ARID1B: variants seen among roughly 807,000 people sequenced by gnomAD.
ARID1B encodes AT-rich interaction domain 1B.
In ARID1B, 30 loss-of-function variants were observed where a neutral mutation model predicts 212.3. The observed-to-expected ratio is 0.14, with a 90% CI of 0.11 to 0.19. The LOEUF (loss-of-function observed/expected upper bound fraction) is 0.19, where lower values mean the gene tolerates loss of function less well. Among genes scored for constraint, ARID1B ranks in the 10% least tolerant of loss-of-function variants. The pLI, the probability that ARID1B is intolerant of heterozygous loss-of-function variation, is 1.00. For synonymous variants in ARID1B, 1,402 were observed against 1,301.7 expected (o/e 1.08, Z -1.66); for missense variants, 2,891 against 3,204.0 (o/e 0.90, Z 2.36).
chr6:157,053,570 C>T (rs916929874), intron 4 of ARID1B, among the ~76,000 whole-genome samples: 4 of 152,140 alleles, frequency 2.6e-5, no homozygotes, highest in African/African-American at 9.7e-5. Context: ...TTATTCAATC[C>T]TGCAACTTTA....
At chr6:157,015,796 G>T (rs1779888856) in intron 4 of ARID1B, among the ~76,000 whole-genome samples, 1 of 152,146 alleles carries the variant, frequency 6.6e-6, no homozygotes, top group Admixed American at 6.5e-5. Flanking sequence ...TAAAATTGTA[G>T]ATGTTCTCCT....
chr6:157,001,197 G>A (rs1194193278), intron 4 of ARID1B, among the ~76,000 whole-genome samples: 2 of 152,180 alleles, frequency 1.3e-5, no homozygotes, highest in African/African-American at 4.8e-5. Flanking sequence ...AGCACATGCT[G>A]TATTCTAGGT....
At chr6:157,111,254 G>C (rs1283618234) in intron 6 of ARID1B, 2 of 152,348 alleles carry the variant, frequency 1.3e-5, no homozygotes, top group African/African-American at 4.8e-5. Flanking sequence ...TTTCTTAACT[G>C]CCTTGCAGAG....
chr6:157,006,401 T>C (rs1779253022), intron 4 of ARID1B, among the ~76,000 whole-genome samples: 1 of 152,218 alleles, frequency 6.6e-6, no homozygotes, highest in Non-Finnish European at 1.5e-5. Flanking sequence ...AGAGAAATTA[T>C]ATTCAAAGAA....
At chr6:157,162,059 G>C (rs773335878) in intron 8 of ARID1B, among the ~76,000 whole-genome samples, 3 of 152,136 alleles carry the variant, frequency 2.0e-5, no homozygotes, top group Non-Finnish European at 4.4e-5. Flanking sequence ...CATTTCTTCT[G>C]TCTGTCCCTA....
At chr6:157,077,737 A>G (rs927542411) in intron 4 of ARID1B, among the ~76,000 whole-genome samples, 1 of 152,118 alleles carries the variant, frequency 6.6e-6, no homozygotes, top group Non-Finnish European at 1.5e-5. Context: ...GTCTCTCTTC[A>G]TTGAGACTCA....
rs1003131791 is a variant in ARID1B, at chr6:157,039,322, C to CTTTTTTT, written c.2248-45327_2248-45321dup. On this transcript the variant is annotated intron_variant, in intron 4 of 19. Coordinates refer to ENST00000636930, the MANE Select transcript of ARID1B (RefSeq NM_001374828.1). ...ATTAAAAATGGGAAATTTGACATTT[C>CTTTTTTT]TTTTTTTTTTTTTTTTTTTGAGACG... 2.4e-3 allele frequency among the ~76,000 whole-genome samples: 242 copies of CTTTTTTT among 102,938 alleles called. 26 individuals carry two copies. Among genetic ancestry groups the CTTTTTTT allele is most frequent in the African/African-American group, 5.1e-3 (125 of 24,710 alleles). The allele number at this position is 102,938 out of a possible 152,430, so 67.5% of individuals were successfully genotyped here.
chr6:157,130,965 A>T (rs754751225), intron 6 of ARID1B, among the ~76,000 whole-genome samples: 26 of 152,154 alleles, frequency 1.7e-4, no homozygotes, highest in Non-Finnish European at 3.7e-4. Flanking sequence ...TCTCAAATCT[A>T]TCTTGATTTG....
At chr6:156,820,886 T>C (rs142515069) in intron 1 of ARID1B, among the ~76,000 whole-genome samples, 1 of 152,338 alleles carries the variant, frequency 6.6e-6, no homozygotes, top group African/African-American at 2.4e-5. Context: ...TGGGAACCAG[T>C]GGAAAGGTTT....
intron 2 of ARID1B, among the ~76,000 whole-genome samples, chr6:156,868,903 A>G (rs1040031425): frequency 6.6e-6 from 1 of 152,252 alleles, no homozygotes; most frequent in Non-Finnish European, 1.5e-5. Flanking sequence ...ATGTGAAAGA[A>G]GAATTCAGCA....
chr6:156,824,927 C>T (rs185343466), intron 1 of ARID1B, among the ~76,000 whole-genome samples: 4 of 151,634 alleles, frequency 2.6e-5, no homozygotes, highest in African/African-American at 9.7e-5. Context: ...TGCAGTGGCA[C>T]GATCTTGGCT....
intron 7 of ARID1B, among the ~76,000 whole-genome samples, chr6:157,136,827 A>G (rs1475423142): frequency 2.0e-5 from 3 of 151,826 alleles, no homozygotes; most frequent in Non-Finnish European, 4.4e-5. Flanking sequence ...ATGCCACTGT[A>G]CTCCAGCCTG....
intron 2 of ARID1B, 196 bp downstream of exon 2, chr6:156,829,617 A>T: frequency 1.7e-6 from 1 of 593,426 alleles, no homozygotes; most frequent in Non-Finnish European, 2.8e-6. Flanking sequence ...CTTAAAGTGG[A>T]CAGAATACCT....
chr6:157,154,454 CTA>C (rs1790414214), intron 8 of ARID1B, among the ~76,000 whole-genome samples: 1 of 151,870 alleles, frequency 6.6e-6, no homozygotes, highest in Admixed American at 6.6e-5. Context: ...TACCCAGCCT[CTA>C]TTTCTTGATT....
chr6:156,903,880 T>G (rs1789144812), intron 3 of ARID1B, among the ~76,000 whole-genome samples: 1 of 152,198 alleles, frequency 6.6e-6, no homozygotes. Context: ...TTAGCAAGTA[T>G]TAGTAGTACT....
intron 1 of ARID1B, among the ~76,000 whole-genome samples, chr6:156,793,830 A>G (rs916006175): frequency 6.6e-6 from 1 of 152,264 alleles, no homozygotes; most frequent in Non-Finnish European, 1.5e-5. Flanking sequence ...TGCTATAATA[A>G]AAAGCAATAG....
At chr6:157,168,167 C>A (rs933064203) in intron 9 of ARID1B, 1 of 152,186 alleles carries the variant, frequency 6.6e-6, no homozygotes, top group Non-Finnish European at 1.5e-5. Context: ...TCCCTGTGTC[C>A]GGCGGAACAG....
rs565871336 is a variant in ARID1B at position 156,822,955 on chromosome 6, G to A, written c.1792-6272G>A. On this transcript the variant is annotated intron_variant, in intron 1 of 19. Coordinates refer to ENST00000636930, the MANE Select transcript of ARID1B (RefSeq NM_001374828.1). ...TGTAATATGCTCAGGGAAAAACAGA[G>A]GCATTTTGAGCTATATTTAGACACC... 3.6e-4 allele frequency among the ~76,000 whole-genome samples: 55 copies of A among 152,328 alleles called. 1 individual carries two copies.
intron 2 of ARID1B, among the ~76,000 whole-genome samples, chr6:156,840,212 G>C (rs1234662764): frequency 6.6e-6 from 1 of 152,040 alleles, no homozygotes. Flanking sequence ...TTTTTCATCT[G>C]TTCTGACCTT....
Sources: gnomAD v4.1 joint callset for allele counts (sites outside exome capture counted in the v4.1 genomes callset) on GRCh38, gnomAD v4.1.1 for gene constraint, MANE v1.5 for transcripts, NCBI Gene and HGNC (gene_info 2026-07-23, HGNC 2026-07-21) for gene names.